The following MYO16 variants were observed in gnomAD, a reference collection of about 807,000 sequenced individuals.
The protein encoded by MYO16 is unconventional myosin-XVI.
A neutral mutation model predicts 205.3 loss-of-function variants in MYO16; 94 were observed. That is an observed-to-expected ratio of 0.46 (90% confidence interval 0.39 to 0.54). The LOEUF (loss-of-function observed/expected upper bound fraction) is 0.54, where lower values mean the gene tolerates loss of function less well. MYO16 is among the 20% of genes least tolerant of loss of function. The pLI is 0.00. For missense variants in MYO16, 2,315 were observed against 2,387.5 expected (o/e 0.97, Z 0.63); for synonymous variants, 988 against 954.0 (o/e 1.04, Z -0.66).
chr13:109,077,913 T>G (rs1310496474), intron 27 of MYO16, among the ~76,000 whole-genome samples: 1 of 152,176 alleles, frequency 6.6e-6, no homozygotes, highest in East Asian at 1.9e-4. Flanking sequence ...TTCCTGTGTA[T>G]TAGGTATTTG....
chr13:108,610,866 G>A (rs1879147183), intron 1 of MYO16, among the ~76,000 whole-genome samples: 1 of 152,144 alleles, frequency 6.6e-6, no homozygotes, highest in South Asian at 2.1e-4. Flanking sequence ...CTTTCAGCTT[G>A]TCTGTGTTAG....
At chr13:108,523,671 A>G in the MYO16 span, among the ~76,000 whole-genome samples, 1 of 152,176 alleles carries the variant, frequency 6.6e-6, no homozygotes, top group Non-Finnish European at 1.5e-5. Flanking sequence ...GCTCTGGAAG[A>G]CTTTAGAGGT....
At chr13:108,814,235 T>C (rs758698684) in intron 7 of MYO16, among the ~76,000 whole-genome samples, 1 of 152,188 alleles carries the variant, frequency 6.6e-6, no homozygotes, top group African/African-American at 2.4e-5. Context: ...GACTCTCTGA[T>C]ACTCTAACCT....
At chr13:108,661,543 A>G (rs891899553) in intron 1 of MYO16, among the ~76,000 whole-genome samples, 2 of 151,968 alleles carry the variant, frequency 1.3e-5, no homozygotes, top group African/African-American at 4.8e-5. Flanking sequence ...TTCAAGCTCT[A>G]AATTTCTTTC....
intron 9 of MYO16, among the ~76,000 whole-genome samples, chr13:108,841,996 G>A (rs1181104329): frequency 7.9e-5 from 12 of 151,964 alleles, no homozygotes; most frequent in Non-Finnish European, 1.5e-4. Flanking sequence ...TTTAATAATT[G>A]GTACTAGGAA....
At chr13:108,577,817 T>G in the MYO16 span, among the ~76,000 whole-genome samples, 3 of 152,198 alleles carry the variant, frequency 2.0e-5, no homozygotes, top group Admixed American at 1.3e-4. Context: ...ACAAGAAAAC[T>G]ATGTATCCAT....
intron 4 of MYO16, among the ~76,000 whole-genome samples, chr13:108,740,246 T>A (rs1053518980): frequency 6.7e-6 from 1 of 150,048 alleles, no homozygotes; most frequent in Non-Finnish European, 1.5e-5. Context: ...TTGGCTCTGT[T>A]TTTTCCCCAT....
chr13:108,844,720 A>AT (rs76400690), intron 10 of MYO16, among the ~76,000 whole-genome samples: 87,323 of 151,956 alleles, frequency 0.57, 25,683 homozygotes, highest in Middle Eastern at 0.68. Flanking sequence ...TTTGACTTAT[A>AT]ACCAGGAATA....
In MYO16 at chr13:109,172,112, G is replaced by T. The variant is rs189404360; in HGVS notation, c.5323+7053G>T. On this transcript the variant is annotated intron_variant, in intron 33 of 34. Coordinates refer to ENST00000457511, the MANE Select transcript of MYO16 (RefSeq NM_001198950.3). ...GAAGGGCTTCCATCAGCCGCACCTC[G>T]AAATCAATCCAAACCACCAGCCAAG... Among the ~76,000 whole-genome samples the T allele has an allele frequency of 5.9e-4, 90 of 152,238 alleles. 1 individual carries two copies. The East Asian group carries it at 0.017, about 28-fold the overall frequency.
chr13:108,496,128 G>A, the MYO16 span, among the ~76,000 whole-genome samples: 1 of 152,216 alleles, frequency 6.6e-6, no homozygotes, highest in African/African-American at 2.4e-5. Context: ...GCGTCTGGGG[G>A]GCGTGGAGAG....
chr13:109,126,584 T>C (rs758411558), intron 30 of MYO16, among the ~76,000 whole-genome samples: 2 of 152,234 alleles, frequency 1.3e-5, no homozygotes, highest in South Asian at 2.1e-4. Context: ...CCCCAATTTC[T>C]CAATTTGATT....
intron 2 of MYO16, among the ~76,000 whole-genome samples, chr13:108,694,971 G>C (rs544792170): frequency 1.3e-5 from 2 of 152,104 alleles, no homozygotes; most frequent in African/African-American, 4.8e-5. Flanking sequence ...AATTAGCCGG[G>C]TGTGGTGGCA....
At chr13:108,509,879 C>A in the MYO16 span, among the ~76,000 whole-genome samples, 35 of 152,182 alleles carry the variant, frequency 2.3e-4, no homozygotes, top group Non-Finnish European at 4.4e-4. Context: ...TTTCTTCCCC[C>A]GCCCAACCCC....
At position 108,610,712 on chromosome 13, in the gene MYO16, A is replaced by G. The variant is rs974866280; in HGVS notation, c.-39+14473A>G. On this transcript the variant is annotated intron_variant, in intron 1 of 24. Transcript: ENST00000251041. ...TGGCTGCAGTATTGCTGGATCTGGCAGAGACTCTGATAAGCAAATGGCCAA... is the reference window on the plus strand; with the variant it reads ...TGGCTGCAGTATTGCTGGATCTGGCGGAGACTCTGATAAGCAAATGGCCAA... Among the ~76,000 whole-genome samples, 6 of 152,346 alleles carry G rather than the reference A, an allele frequency of 3.9e-5. No individual in the cohort carries two copies. In the East Asian group the frequency reaches 1.2e-3, roughly 29 times the overall value.
chr13:108,651,209 G>A (rs1880988555), intron 1 of MYO16, among the ~76,000 whole-genome samples: 1 of 152,178 alleles, frequency 6.6e-6, no homozygotes, highest in African/African-American at 2.4e-5. Flanking sequence ...GTGCGCTGGG[G>A]CCTTAGCACT....
At chr13:108,730,129 G>T (rs954973031) in intron 4 of MYO16, among the ~76,000 whole-genome samples, 1 of 152,096 alleles carries the variant, frequency 6.6e-6, no homozygotes, top group African/African-American at 2.4e-5. Context: ...ATCTCATCTT[G>T]GAGTTCCCAT....
At chr13:109,107,712 C>T (rs765302486) in intron 28 of MYO16, among the ~76,000 whole-genome samples, 50 of 151,482 alleles carry the variant, frequency 3.3e-4, no homozygotes, top group Non-Finnish European at 6.5e-4. Context: ...ATCCTTTCTC[C>T]TTCTCTGGAA....
At position 109,140,538 on chromosome 13, in the gene MYO16, C is replaced by A. The variant is rs1278539125; in HGVS notation, c.4326C>A (p.Ala1442=). The A allele has an allele frequency of 6.5e-7, 1 of 1,549,654 alleles. No homozygotes were observed. Among genetic ancestry groups the A allele is most frequent in the South Asian group, 1.2e-5 (1 of 85,170 alleles). The change falls in exon 32 of 35, where the codon GCC becomes GCA. Residue 1442 remains alanine, a synonymous_variant. Transcript: ENST00000457511. This position sits in a 1 kb window ranked among gnomAD's most constrained non-coding sequence, Gnocchi z 8.0. ...PVYIEMLGHA[A]RPDSPDPGES... ...ACATCGAGATGCTGGGGCACGCGGC[C>A]AGGCCCGATAGCCCGGACCCCGGGG...
intron 5 of MYO16, among the ~76,000 whole-genome samples, chr13:108,787,007 C>T (rs1225600887): frequency 6.6e-6 from 1 of 152,182 alleles, no homozygotes; most frequent in African/African-American, 2.4e-5. Flanking sequence ...TTATTTGGAT[C>T]CTTGCCAGAC....
Sources: gnomAD v4.1 joint callset for allele counts (sites outside exome capture counted in the v4.1 genomes callset) on GRCh38, gnomAD v4.1.1 for gene constraint, Gnocchi (gnomAD v3.1) non-coding constraint, MANE v1.5 for transcripts, NCBI Gene and HGNC (gene_info 2026-07-23, HGNC 2026-07-21) for gene names.